CACNA2D1: variants seen among roughly 807,000 people sequenced by gnomAD.
CACNA2D1 encodes voltage-dependent calcium channel subunit alpha-2/delta-1.
Under a neutral mutation model 171.5 loss-of-function variants are expected in CACNA2D1, and 53 were observed. That is an observed-to-expected ratio of 0.31 (90% CI 0.25 to 0.39). The LOEUF (loss-of-function observed/expected upper bound fraction) is 0.39, where lower values mean the gene tolerates loss of function less well. Among genes scored for constraint, CACNA2D1 ranks in the 10% least tolerant of loss-of-function variants. The pLI is 1.00. For synonymous variants in CACNA2D1, 442 were observed against 443.1 expected (o/e 1.00, Z 0.03); for missense variants, 903 against 1,299.8 (o/e 0.69, Z 4.69).
chr7:82,099,566 C>T (rs1293139084), intron 6 of CACNA2D1, among the ~76,000 whole-genome samples: 1 of 104,850 alleles, frequency 9.5e-6, no homozygotes, highest in African/African-American at 3.3e-5. Context: ...TCTCCTGCCT[C>T]AGCCTCCCAA....
Position 82,371,290 on chromosome 7 carries a change from C to T in CACNA2D1, c.96-21641G>A, listed in dbSNP as rs753760523. The stretch of plus-strand genomic sequence containing the variant: ...AGCAAAGTGATGGGTAAAGTTCATG[C>T]GCTCTGGGCTAGACTTGGGTTTTAA... On this transcript the variant is annotated intron_variant, in intron 1 of 38. Transcript: ENST00000356860. Among the ~76,000 whole-genome samples, 3 of 152,072 alleles carry T rather than the reference C, an allele frequency of 2.0e-5. No individual in the cohort carries two copies. The East Asian group carries it at 5.8e-4, about 29-fold the overall frequency.
intron 1 of CACNA2D1, among the ~76,000 whole-genome samples, chr7:82,395,985 A>G (rs1825720831): frequency 6.6e-6 from 1 of 152,210 alleles, no homozygotes; most frequent in African/African-American, 2.4e-5. Context: ...AGCATCCTTT[A>G]TAATTTTCTC....
At chr7:82,114,776 A>G (rs1034461463) in intron 6 of CACNA2D1, among the ~76,000 whole-genome samples, 3 of 151,790 alleles carry the variant, frequency 2.0e-5, no homozygotes, top group East Asian at 1.9e-4. Context: ...AAAAAAAAAA[A>G]AAAGAAACAG....
At chr7:82,199,360 G>T (rs76569034) in intron 3 of CACNA2D1, among the ~76,000 whole-genome samples, 38,326 of 151,892 alleles carry the variant, frequency 0.25, 5,565 homozygotes, top group African/African-American at 0.39. Context: ...TTATTACAAC[G>T]AATGTTAACT....
At position 81,996,149 on chromosome 7, in the gene CACNA2D1, T is replaced by A. The variant is rs1172634618; in HGVS notation, c.1662+1030A>T. On this transcript the variant is annotated intron_variant, in intron 19 of 38. Coordinates refer to ENST00000356860, the MANE Select transcript of CACNA2D1 (RefSeq NM_000722.4). ...CTTTTGCTAAGTCCTTTCTATATAT[T>A]ATTTCATTCAATCACTATTACTGAT... Among the ~76,000 whole-genome samples the A allele has an allele frequency of 1.3e-5, 2 of 152,152 alleles. 1 individual carries two copies. The highest frequency in any genetic ancestry group is 2.9e-5 in the Non-Finnish European group (2 of 68,020).
In CACNA2D1 at chr7:82,297,072, C is replaced by CAAAAAAAAAAAAAAAAAAAAAAAAAAAA. The variant is rs57473351; in HGVS notation, c.294+38062_294+38063insTTTTTTTTTTTTTTTTTTTTTTTTTTTT. Among the ~76,000 whole-genome samples, 30 of 72,228 alleles carry CAAAAAAAAAAAAAAAAAAAAAAAAAAAA rather than the reference C, an allele frequency of 4.2e-4. 1 individual carries two copies. The highest frequency in any genetic ancestry group is 8.6e-4 in the East Asian group (2 of 2,326). 47.4% of individuals were successfully genotyped at this position (72,228 alleles called of 152,430 possible). A position where few individuals can be genotyped will look rare whatever the true frequency, so the allele number is the denominator to read the frequency against. On this transcript the variant is annotated intron_variant, in intron 3 of 38. Transcript: ENST00000356860. ...AAACATAGTGAGGCTCTGTGTCTAC[C>CAAAAAAAAAAAAAAAAAAAAAAAAAAAA]AAAAAAAAAAAAAAAAAAAAAAAAA...
At chr7:82,366,349 T>C (rs1212351852) in intron 1 of CACNA2D1, among the ~76,000 whole-genome samples, 1 of 152,168 alleles carries the variant, frequency 6.6e-6, no homozygotes, top group Non-Finnish European at 1.5e-5. Context: ...TAATAGCCAA[T>C]AGGCGGTTTT....
chr7:82,433,150 T>C (rs974504359), intron 1 of CACNA2D1, among the ~76,000 whole-genome samples: 2 of 150,830 alleles, frequency 1.3e-5, no homozygotes, highest in South Asian at 2.1e-4. Flanking sequence ...ATCACACCAC[T>C]GCACTCCAGC....
intron 3 of CACNA2D1, among the ~76,000 whole-genome samples, chr7:82,267,299 T>G (rs972596982): frequency 6.6e-6 from 1 of 152,214 alleles, no homozygotes; most frequent in African/African-American, 2.4e-5. Context: ...TCCCTTTACT[T>G]ACATTTTGCC....
chr7:82,351,110 T>C (rs547445937), intron 1 of CACNA2D1, among the ~76,000 whole-genome samples: 85 of 152,308 alleles, frequency 5.6e-4, no homozygotes, highest in African/African-American at 2.0e-3. Context: ...TAAAGAAACA[T>C]TAGTAAGCCA....
At chr7:82,091,272 A>G (rs753503097) in intron 6 of CACNA2D1, among the ~76,000 whole-genome samples, 7 of 152,182 alleles carry the variant, frequency 4.6e-5, no homozygotes, top group Non-Finnish European at 8.8e-5. Context: ...TCCACCTCGC[A>G]CTGAGGATGG....
intron 3 of CACNA2D1, among the ~76,000 whole-genome samples, chr7:82,316,345 T>G (rs1815117672): frequency 6.6e-6 from 1 of 152,310 alleles, no homozygotes; most frequent in Admixed American, 6.5e-5. Flanking sequence ...CTTTCATTAC[T>G]TACTGCCTTT....
intron 8 of CACNA2D1, 32 bp from the exon 9 acceptor site, chr7:82,064,386 C>A (rs1584606806): frequency 6.6e-7 from 1 of 1,506,346 alleles, no homozygotes; most frequent in South Asian, 1.1e-5. Context: ...ATGCTTTTCT[C>A]TTCCAAAATA....
intron 1 of CACNA2D1, among the ~76,000 whole-genome samples, chr7:82,376,645 G>A (rs1197852603): frequency 6.6e-6 from 1 of 152,134 alleles, no homozygotes; most frequent in Non-Finnish European, 1.5e-5. Context: ...TGGGTTAGAA[G>A]CCTGGATCTG....
At chr7:82,193,452 C>T (rs183655393) in intron 3 of CACNA2D1, among the ~76,000 whole-genome samples, 10 of 151,922 alleles carry the variant, frequency 6.6e-5, no homozygotes, top group Admixed American at 1.3e-4. Flanking sequence ...TTTTGAGATG[C>T]GTGGGTTTGT....
At chr7:81,995,276 A>G (rs1322955182) in intron 19 of CACNA2D1, among the ~76,000 whole-genome samples, 1 of 152,222 alleles carries the variant, frequency 6.6e-6, no homozygotes, top group Non-Finnish European at 1.5e-5. Flanking sequence ...AGAAATGTAT[A>G]TGTACAGAAT....
intron 3 of CACNA2D1, among the ~76,000 whole-genome samples, chr7:82,233,222 T>A (rs1391005310): frequency 2.6e-5 from 4 of 152,234 alleles, no homozygotes; most frequent in African/African-American, 9.6e-5. Flanking sequence ...AACATTATTT[T>A]ATTCTTGACA....
intron 3 of CACNA2D1, among the ~76,000 whole-genome samples, chr7:82,266,646 A>G (rs752496622): frequency 1.3e-5 from 2 of 151,908 alleles, no homozygotes; most frequent in Middle Eastern, 3.2e-3. Context: ...CCTCCCGAGT[A>G]GGCAGGATTA....
chr7:82,115,365 A>G (rs986695101), intron 6 of CACNA2D1, among the ~76,000 whole-genome samples: 2 of 152,186 alleles, frequency 1.3e-5, no homozygotes, highest in Non-Finnish European at 2.9e-5. Flanking sequence ...ACAAATATCA[A>G]AAGTAACTAC....
Sources: gnomAD v4.1 joint callset for allele counts (sites outside exome capture counted in the v4.1 genomes callset) on GRCh38, gnomAD v4.1.1 for gene constraint, MANE v1.5 for transcripts, NCBI Gene and HGNC (gene_info 2026-07-23, HGNC 2026-07-21) for gene names.